The following WDR36 variants were observed in gnomAD, a reference collection of about 807,000 sequenced individuals.
The protein encoded by WDR36 is WD repeat domain 36.
A neutral mutation model predicts 112.7 loss-of-function variants in WDR36; 63 were observed. That is an observed-to-expected ratio of 0.56 (90% confidence interval 0.46 to 0.69). The LOEUF is 0.69. Ranked by LOEUF, WDR36 falls within the 30% of genes least tolerant of loss-of-function variation. The pLI, the probability that WDR36 is intolerant of heterozygous loss-of-function variation, is 0.00. For synonymous variants in WDR36, 410 were observed against 362.2 expected, an observed-to-expected ratio of 1.13 and a Z score of -1.50; for missense variants, 1,226 against 1,070.3, an observed-to-expected ratio of 1.15 and a Z score of -2.03.
rs149853338 is a variant in WDR36, at chr5:111,117,978, T to C, written c.1797-1035T>C. Among the ~76,000 whole-genome samples the C allele has an allele frequency of 4.3e-3, 657 of 152,316 alleles. 4 individuals carry two copies. Among genetic ancestry groups the C allele is most frequent in the Non-Finnish European group, 6.4e-3 (436 of 68,028 alleles). ...CTGCTACCACCATCCTAGTTATCTTTGTTGATTGTTAGATGATTACTACCA... is the reference window on the plus strand; with the variant it reads ...CTGCTACCACCATCCTAGTTATCTTCGTTGATTGTTAGATGATTACTACCA... On this transcript the variant is annotated intron_variant, in intron 16 of 22. Transcript: ENST00000513710.
intron 6 of WDR36, 143 bp downstream of exon 6, chr5:111,102,542 G>T (rs568214682): frequency 2.4e-6 from 2 of 838,060 alleles, no homozygotes; most frequent in Non-Finnish European, 1.9e-6. Flanking sequence ...TGAGGAAATA[G>T]TGTTTTGGAA....
chr5:111,129,228 T>G lies in WDR36; in HGVS notation c.*2345T>G. 5.1e-6 allele frequency: 1 copy of G among 196,696 alleles called. No individual in the cohort carries two copies. Among genetic ancestry groups the G allele is most frequent in the Non-Finnish European group, 1.1e-5 (1 of 94,848 alleles). 12.2% of individuals were successfully genotyped at this position (196,696 alleles called of 1,614,324 possible). On this transcript the variant is annotated 3_prime_UTR_variant, in exon 23 of 23. Coordinates refer to ENST00000513710, the MANE Select transcript of WDR36 (RefSeq NM_139281.3). ...AACATCATCCTACATGAGCCCTTTTTGTACATATAAGGCTCTCTCTGTGGT... is the reference window on the plus strand; with the variant it reads ...AACATCATCCTACATGAGCCCTTTTGGTACATATAAGGCTCTCTCTGTGGT...
intron 20 of WDR36, 77 bp downstream of exon 20, chr5:111,124,001 T>A: frequency 2.5e-6 from 4 of 1,605,456 alleles, no homozygotes; most frequent in Non-Finnish European, 3.4e-6. Flanking sequence ...TACCAAGACC[T>A]AGTTTTACAG....
chr5:111,115,826 A>G (rs928544946), intron 16 of WDR36, among the ~76,000 whole-genome samples: 2 of 152,192 alleles, frequency 1.3e-5, no homozygotes, highest in Non-Finnish European at 2.9e-5. Flanking sequence ...TTATGTTTGT[A>G]AAATTTTCAG....
intron 1 of WDR36, 39 bp downstream of exon 1, chr5:111,092,657 C>T (rs781104684): frequency 6.3e-7 from 1 of 1,583,962 alleles, no homozygotes; most frequent in South Asian, 1.1e-5. Flanking sequence ...GGAAAACCAC[C>T]CTCCTTGGCC....
chr5:111,126,529 C>T (rs1442697768), intron 22 of WDR36, among the ~76,000 whole-genome samples: 1 of 151,754 alleles, frequency 6.6e-6, no homozygotes, highest in Non-Finnish European at 1.5e-5. Context: ...TTTAATTCTA[C>T]CAAGGAAGTC....
intron 9 of WDR36, 127 bp from the exon 10 acceptor site, chr5:111,105,168 G>C: frequency 1.0e-6 from 1 of 967,292 alleles, no homozygotes; most frequent in Non-Finnish European, 1.6e-6. Flanking sequence ...TTGCAATCTG[G>C]TTTTCCCTTT....
chr5:111,125,541 G>A, intron 21 of WDR36, 67 bp from the exon 22 acceptor site: 1 of 1,498,690 alleles, frequency 6.7e-7, no homozygotes, highest in Non-Finnish European at 9.1e-7. Context: ...GGGTATAAAA[G>A]GAAAACTGTA....
At chr5:111,093,259 G>T (rs971292352) in intron 1 of WDR36, among the ~76,000 whole-genome samples, 1 of 152,134 alleles carries the variant, frequency 6.6e-6, no homozygotes, top group Non-Finnish European at 1.5e-5. Flanking sequence ...ACAGTTCATC[G>T]ATCATTGTAA....
intron 5 of WDR36, 116 bp from the exon 6 acceptor site, chr5:111,102,229 A>C: frequency 1.3e-6 from 1 of 770,758 alleles, no homozygotes; most frequent in Non-Finnish European, 2.1e-6. Flanking sequence ...TAGTGTGTGG[A>C]AGAGTAAGAA....
chr5:111,100,491 C>A, intron 4 of WDR36, 98 bp from the exon 5 acceptor site: 1 of 791,760 alleles, frequency 1.3e-6, no homozygotes, highest in Non-Finnish European at 2.0e-6. Flanking sequence ...ACATATAAAT[C>A]TTTGATGTGA....
chr5:111,101,408 CATG>C lies in WDR36; in HGVS notation c.542+689_542+691del, dbSNP rs370056309. Among the ~76,000 whole-genome samples the C allele has an allele frequency of 4.8e-3, 724 of 151,906 alleles. 5 individuals are homozygous for C. The highest frequency in any genetic ancestry group is 0.017 in the African/African-American group (692 of 41,500). On this transcript the variant is annotated intron_variant, in intron 5 of 22. Coordinates refer to ENST00000513710, the MANE Select transcript of WDR36 (RefSeq NM_139281.3). Reference sequence around the variant, plus strand: ...TTTCCATACATGAAGATTTTCTATACATGAAGAAGGTAAAAGATGGAAAGGCAA... The same window carrying C: ...TTTCCATACATGAAGATTTTCTATACAAGAAGGTAAAAGATGGAAAGGCAA...
chr5:111,093,587 A>T lies in WDR36; in HGVS notation c.162+969A>T, dbSNP rs562524498. On this transcript the variant is annotated intron_variant, in intron 1 of 22. Transcript: ENST00000513710. ...GGGTTAGAACCATATTAATCATGTG[A>T]AAGTATTTAGTGTTACCATTCTCTG... is the stretch of plus-strand genomic sequence containing the variant. Among the ~76,000 whole-genome samples, 11 of 152,296 alleles carry T rather than the reference A, an allele frequency of 7.2e-5. No homozygotes were observed. In the South Asian group the frequency reaches 2.3e-3, roughly 32 times the overall value.
At chr5:111,097,626 G>A (rs964023225) in intron 3 of WDR36, among the ~76,000 whole-genome samples, 4 of 152,110 alleles carry the variant, frequency 2.6e-5, no homozygotes, top group Non-Finnish European at 5.9e-5. Context: ...ATGCCTGTTC[G>A]CTGTTTAGAG....
intron 12 of WDR36, 49 bp downstream of exon 12, chr5:111,107,488 G>T: frequency 6.3e-7 from 1 of 1,599,438 alleles, no homozygotes; most frequent in South Asian, 1.1e-5. Flanking sequence ...ACTTTCCTAT[G>T]GAAATCTTGT....
chr5:111,100,098 A>G (rs543205750), intron 4 of WDR36, among the ~76,000 whole-genome samples: 1 of 151,870 alleles, frequency 6.6e-6, no homozygotes, highest in South Asian at 2.1e-4. Flanking sequence ...TTTTGTGGAA[A>G]TGTGTGAGAA....
In WDR36 at chr5:111,130,246, A is replaced by T. The variant is rs1443718589; in HGVS notation, c.*3363A>T. On this transcript the variant is annotated 3_prime_UTR_variant, in exon 23 of 23. Transcript: ENST00000513710. The stretch of plus-strand genomic sequence containing the variant: ...CAAGCAATGCCCTGCAGATCATGGG[A>T]CCTATGCATATGAAAAGTCGGTCCT... The T allele has an allele frequency of 1.5e-5, 3 of 202,394 alleles. No individual in the cohort carries two copies. Among genetic ancestry groups the T allele is most frequent in the African/African-American group, 2.3e-5 (1 of 43,486 alleles). 12.5% of individuals were successfully genotyped at this position (202,394 alleles called of 1,614,324 possible).
Position 111,124,136 on chromosome 5 carries a change from C to T in WDR36, c.2297C>T (p.Ala766Val). ...QSKVVNLGVL[A>V]QKSDFCLKLE... ...AAAGTGGTAAATCTTGGAGTTTTGG[C>T]TCAAAAATCAGATTTCTGCTTGAAA... The change falls in exon 21 of 23, where the codon GCT becomes GTT. Residue 766 changes from alanine (A) to valine (V), a missense_variant. Coordinates refer to ENST00000513710, the MANE Select transcript of WDR36 (RefSeq NM_139281.3). The T allele has an allele frequency of 6.2e-7, 1 of 1,612,734 alleles. No individual in the cohort carries two copies. The highest frequency in any genetic ancestry group is 8.5e-7 in the Non-Finnish European group (1 of 1,179,514).
intron 17 of WDR36, 140 bp from the exon 18 acceptor site, chr5:111,120,356 G>A (rs895122019): frequency 3.6e-5 from 25 of 686,084 alleles, no homozygotes; most frequent in African/African-American, 3.3e-4. Context: ...AAGTCAAGGC[G>A]TTTTTAAATT....
Sources: gnomAD v4.1 joint callset for allele counts (sites outside exome capture counted in the v4.1 genomes callset) on GRCh38, gnomAD v4.1.1 for gene constraint, MANE v1.5 for transcripts, NCBI Gene and HGNC (gene_info 2026-07-23, HGNC 2026-07-21) for gene names.